LRBA: variants seen among roughly 807,000 people sequenced by gnomAD.
The protein encoded by LRBA is LPS responsive beige-like anchor protein.
LRBA carries 176 observed loss-of-function variants against 330.0 expected under a neutral mutation model. The ratio of observed to expected loss-of-function variants is 0.53; its 90% CI spans 0.47 to 0.60. The LOEUF (loss-of-function observed/expected upper bound fraction) is 0.60, where lower values mean the gene tolerates loss of function less well. Ranked by LOEUF, LRBA falls within the 20% of genes least tolerant of loss-of-function variation. The probability of loss-of-function intolerance (pLI) is 0.00; values close to 1 mark genes in which losing one functional copy is unlikely to be tolerated. For synonymous variants in LRBA, 1,230 were observed against 1,193.0 expected (o/e 1.03, Z -0.64); for missense variants, 3,259 against 3,444.8 (o/e 0.95, Z 1.35).
At chr4:150,432,330 C>A (rs7680593) in intron 46 of LRBA, among the ~76,000 whole-genome samples, 93,403 of 151,780 alleles carry the variant, frequency 0.62, 31,658 homozygotes, top group Non-Finnish European at 0.75. Context: ...TTTCTAGGAA[C>A]TCCAGCAAGA....
intron 4 of LRBA, among the ~76,000 whole-genome samples, chr4:150,924,806 A>C (rs1009802361): frequency 4.6e-5 from 7 of 152,094 alleles, no homozygotes; most frequent in Non-Finnish European, 1.0e-4. Context: ...TTATCATCTA[A>C]AACTATTCTC....
intron 40 of LRBA, among the ~76,000 whole-genome samples, chr4:150,511,944 C>T (rs935197402): frequency 1.3e-5 from 2 of 152,180 alleles, no homozygotes; most frequent in East Asian, 1.9e-4. Context: ...AGATGTGCTA[C>T]CACAGGCCTC....
intron 36 of LRBA, among the ~76,000 whole-genome samples, chr4:150,701,413 G>A (rs1207359581): frequency 2.0e-5 from 3 of 150,308 alleles, no homozygotes; most frequent in Non-Finnish European, 3.0e-5. Context: ...TTATATAATT[G>A]TGCTGCACTT....
intron 42 of LRBA, among the ~76,000 whole-genome samples, chr4:150,483,438 C>T (rs1284987654): frequency 1.3e-5 from 2 of 151,220 alleles, no homozygotes; most frequent in Admixed American, 1.3e-4. Flanking sequence ...TTAAACTATT[C>T]TGGATATTTA....
intron 2 of LRBA, among the ~76,000 whole-genome samples, chr4:150,987,280 C>T (rs1741569718): frequency 6.6e-6 from 1 of 152,164 alleles, no homozygotes; most frequent in Admixed American, 6.5e-5. Context: ...AAAAATACAT[C>T]AAGTCTTTCT....
chr4:150,559,936 A>C (rs1318694117), intron 40 of LRBA, among the ~76,000 whole-genome samples: 2 of 108,704 alleles, frequency 1.8e-5, no homozygotes, highest in African/African-American at 3.6e-5. Context: ...AAATATATAT[A>C]TATCTATATA....
chr4:150,588,888 A>G (rs979022736), intron 39 of LRBA, among the ~76,000 whole-genome samples: 3 of 152,188 alleles, frequency 2.0e-5, no homozygotes, highest in Non-Finnish European at 2.9e-5. Context: ...GGAATAATCA[A>G]ATCTCCACAG....
chr4:150,341,980 T>C (rs1317542044), intron 48 of LRBA, among the ~76,000 whole-genome samples: 5 of 151,534 alleles, frequency 3.3e-5, no homozygotes, highest in African/African-American at 9.7e-5. Flanking sequence ...AAAATACTTA[T>C]GTTAAATCTT....
chr4:150,905,824 T>C lies in LRBA; in HGVS notation c.1755+14A>G. On this transcript the variant is annotated intron_variant, in intron 13 of 56. Transcript: ENST00000651943. Reference sequence around the variant, plus strand: ...AAGATAGTAAAACAATATCAATATATAGATATATATTACCTTGGCTGGGGT... The same window carrying C: ...AAGATAGTAAAACAATATCAATATACAGATATATATTACCTTGGCTGGGGT... 6.3e-7 allele frequency: 1 copy of C among 1,598,588 alleles called. No homozygotes were observed. The highest frequency in any genetic ancestry group is 8.5e-7 in the Non-Finnish European group (1 of 1,169,756).
At chr4:150,412,477 T>C (rs531490164) in intron 47 of LRBA, among the ~76,000 whole-genome samples, 1 of 152,240 alleles carries the variant, frequency 6.6e-6, no homozygotes, top group East Asian at 1.9e-4. Context: ...CTGTCCCAAA[T>C]AGACCTGGCT....
intron 17 of LRBA, among the ~76,000 whole-genome samples, chr4:150,887,940 T>A (rs576771443): frequency 3.5e-4 from 53 of 152,150 alleles, no homozygotes; most frequent in Non-Finnish European, 3.7e-4. Context: ...GAGAACTGCT[T>A]AAGCCCAGGA....
At chr4:150,807,520 G>A (rs1353769172) in intron 32 of LRBA, among the ~76,000 whole-genome samples, 2 of 152,102 alleles carry the variant, frequency 1.3e-5, no homozygotes, top group African/African-American at 2.4e-5. Context: ...CAAAGCATTC[G>A]AAATTAAACT....
At chr4:150,708,832 T>G (rs937180868) in intron 36 of LRBA, among the ~76,000 whole-genome samples, 1 of 151,812 alleles carries the variant, frequency 6.6e-6, no homozygotes, top group African/African-American at 2.4e-5. Flanking sequence ...GTGAGTTTCT[T>G]AAGTTGGGGT....
chr4:150,453,375 C>A (rs1375422501), intron 44 of LRBA, among the ~76,000 whole-genome samples: 1 of 152,038 alleles, frequency 6.6e-6, no homozygotes, highest in Non-Finnish European at 1.5e-5. Flanking sequence ...ACATATATGG[C>A]CGATTGATTT....
At chr4:151,001,140 C>G (rs938912676) in intron 2 of LRBA, among the ~76,000 whole-genome samples, 1 of 152,188 alleles carries the variant, frequency 6.6e-6, no homozygotes, top group African/African-American at 2.4e-5. Context: ...TTTTGACAAC[C>G]CAGCCCACAA....
chr4:150,618,014 G>A (rs767907774), intron 37 of LRBA, among the ~76,000 whole-genome samples: 8 of 152,052 alleles, frequency 5.3e-5, no homozygotes, highest in Admixed American at 3.3e-4. Context: ...TGAGGTGGGA[G>A]GATCGATTGA....
intron 22 of LRBA, among the ~76,000 whole-genome samples, chr4:150,863,100 C>T (rs1445675500): frequency 1.3e-5 from 2 of 151,954 alleles, no homozygotes; most frequent in Non-Finnish European, 2.9e-5. Context: ...AGTTGAAGAC[C>T]AGCCTGAGCA....
chr4:150,859,075 T>A (rs903587141), intron 22 of LRBA, among the ~76,000 whole-genome samples: 1 of 152,166 alleles, frequency 6.6e-6, no homozygotes, highest in African/African-American at 2.4e-5. Flanking sequence ...TTATGTACAG[T>A]GACTGAAATT....
In LRBA at chr4:150,859,153, A is replaced by G. The variant is rs537062532; in HGVS notation, c.2767-6210T>C. 2.6e-5 allele frequency among the ~76,000 whole-genome samples: 4 copies of G among 152,310 alleles called. No homozygotes were observed. The South Asian group carries it at 6.2e-4, about 24-fold the overall frequency. On this transcript the variant is annotated intron_variant, in intron 22 of 56. Coordinates refer to ENST00000651943, the MANE Select transcript of LRBA (RefSeq NM_001364905.1). ...CAGATATTTCAAAAAATCCAAGATA[A>G]TTAAGGACTTTATCCTCAAATTCAC...
Sources: gnomAD v4.1 joint callset for allele counts (sites outside exome capture counted in the v4.1 genomes callset) on GRCh38, gnomAD v4.1.1 for gene constraint, MANE v1.5 for transcripts, NCBI Gene and HGNC (gene_info 2026-07-23, HGNC 2026-07-21) for gene names.